CPD: variants seen among roughly 807,000 people sequenced by gnomAD.
The protein encoded by CPD is carboxypeptidase D, also known as metallocarboxypeptidase D.
Under a neutral mutation model 138.3 loss-of-function variants are expected in CPD, and 69 were observed. The observed-to-expected ratio is 0.50, with a 90% confidence interval of 0.41 to 0.61. The LOEUF is 0.61. Among genes scored for constraint, CPD ranks in the 20% least tolerant of loss-of-function variants. The probability of loss-of-function intolerance (pLI) is 0.00; values close to 1 mark genes in which losing one functional copy is unlikely to be tolerated. For missense variants in CPD, 1,432 were observed against 1,733.3 expected (o/e 0.83, Z 3.09); for synonymous variants, 651 against 642.1 (o/e 1.01, Z -0.21).
At chr17:30,438,902 C>G (rs966385894) in intron 8 of CPD, 73 bp from the exon 9 acceptor site, 2 of 942,692 alleles carry the variant, frequency 2.1e-6, no homozygotes, top group East Asian at 5.5e-5. Context: ...TATTATTTTC[C>G]TGTATCTTTC....
Position 30,431,850 on chromosome 17 carries a change from T to C in CPD, c.2096T>C (p.Val699Ala), listed in dbSNP as rs1597723185. The C allele has an allele frequency of 1.2e-6, 2 of 1,611,470 alleles. No individual in the cohort carries two copies. The highest frequency in any genetic ancestry group is 1.7e-6 in the Non-Finnish European group (2 of 1,178,376). Residue 699 changes from valine (V) to alanine (A), a missense_variant, in exon 8 of 21, where the codon GTG becomes GCG. This residue lies in a region of CPD where 297 missense variants were observed against 405.3 expected (regional missense o/e 0.73). Coordinates refer to ENST00000225719, the MANE Select transcript of CPD (RefSeq NM_001304.5). ...TATAGTAAATCACCAGATGATGCTG[T>C]GTTCCAACAAATAGCACTTTCTTAT... ...ATYSKSPDDAVFQQIALSYSK... is the reference protein window; with the variant it reads ...ATYSKSPDDAAFQQIALSYSK...
Position 30,465,248 on chromosome 17 carries a change from G to T in CPD, c.*434G>T. The stretch of plus-strand genomic sequence containing the variant: ...TCGACATAAAGCTTTAAAAACTCAA[G>T]GTTTTTTCAACCTACTGAGGAGTAC... On this transcript the variant is annotated 3_prime_UTR_variant, in exon 21 of 21. Coordinates refer to ENST00000225719, the MANE Select transcript of CPD (RefSeq NM_001304.5). The T allele has an allele frequency of 6.1e-6, 1 of 164,426 alleles. No homozygotes were observed. The highest frequency in any genetic ancestry group is 1.3e-5 in the Non-Finnish European group (1 of 75,334). The allele number at this position is 164,426 out of a possible 1,614,324, so 10.2% of individuals were successfully genotyped here.
At chr17:30,440,003 G>A (rs1376756251) in intron 9 of CPD, among the ~76,000 whole-genome samples, 1 of 115,950 alleles carries the variant, frequency 8.6e-6, no homozygotes, top group African/African-American at 3.5e-5. Context: ...CACAATGGTT[G>A]AACTAGTTTA....
At chr17:30,387,651 AC>A (rs1007891186) in intron 2 of CPD, among the ~76,000 whole-genome samples, 1 of 152,102 alleles carries the variant, frequency 6.6e-6, no homozygotes, top group Non-Finnish European at 1.5e-5. Flanking sequence ...GGTCTTCCTT[AC>A]CTTTTTATTG....
chr17:30,388,969 G>T (rs1365869948), intron 2 of CPD, among the ~76,000 whole-genome samples: 2 of 152,168 alleles, frequency 1.3e-5, no homozygotes, highest in Admixed American at 1.3e-4. Context: ...CCTTAGTGGG[G>T]TGGGCGCAGT....
At chr17:30,429,618 G>A (rs1426929267) in intron 7 of CPD, among the ~76,000 whole-genome samples, 1 of 152,192 alleles carries the variant, frequency 6.6e-6, no homozygotes, top group African/African-American at 2.4e-5. Flanking sequence ...TTTGATGTTT[G>A]TATGTGGCAC....
At chr17:30,392,210 A>G (rs1173627150) in intron 2 of CPD, among the ~76,000 whole-genome samples, 1 of 152,002 alleles carries the variant, frequency 6.6e-6, no homozygotes, top group Admixed American at 6.5e-5. Context: ...GGGTTTCACC[A>G]TGTTGACCAG....
chr17:30,394,788 G>A (rs147812485), intron 2 of CPD, among the ~76,000 whole-genome samples: 433 of 152,218 alleles, frequency 2.8e-3, no homozygotes, highest in Middle Eastern at 0.01. Context: ...TCAAAGAGAG[G>A]ATGTCAAAGA....
At chr17:30,410,429 A>G (rs2143382640) in intron 2 of CPD, among the ~76,000 whole-genome samples, 1 of 152,196 alleles carries the variant, frequency 6.6e-6, no homozygotes, top group East Asian at 1.9e-4. Flanking sequence ...CTTCTGTCTC[A>G]TTGATCTGTC....
chr17:30,428,609 AT>A (rs1028369677), intron 7 of CPD, among the ~76,000 whole-genome samples: 2 of 152,094 alleles, frequency 1.3e-5, no homozygotes, highest in African/African-American at 2.4e-5. Flanking sequence ...CATGATTATT[AT>A]TTTTTTCTTT....
At chr17:30,411,926 CAGG>C (rs2143386878) in intron 2 of CPD, among the ~76,000 whole-genome samples, 1 of 152,336 alleles carries the variant, frequency 6.6e-6, no homozygotes, top group African/African-American at 2.4e-5. Context: ...CGATCCTTTT[CAGG>C]AGAAGAGGCG....
intron 8 of CPD, among the ~76,000 whole-genome samples, chr17:30,437,589 G>A (rs1258288819): frequency 6.6e-6 from 1 of 152,102 alleles, no homozygotes; most frequent in East Asian, 1.9e-4. Flanking sequence ...GGAGGGTGAG[G>A]TGGAAGGATC....
intron 8 of CPD, 37 bp downstream of exon 8, chr17:30,431,918 A>G: frequency 7.3e-7 from 1 of 1,364,096 alleles, no homozygotes; most frequent in Non-Finnish European, 1.0e-6. Flanking sequence ...TTACAAAATT[A>G]ATTCTTTTAT....
intron 2 of CPD, among the ~76,000 whole-genome samples, chr17:30,410,403 G>A (rs1040590039): frequency 9.2e-5 from 14 of 152,134 alleles, no homozygotes; most frequent in Admixed American, 6.6e-5. Context: ...TTCAATTCCT[G>A]GATATCCTTG....
chr17:30,455,337 A>G lies in CPD; in HGVS notation c.3206-2A>G. 6.3e-7 allele frequency: 1 copy of G among 1,595,284 alleles called. No individual in the cohort carries two copies. The highest frequency in any genetic ancestry group is 8.5e-7 in the Non-Finnish European group (1 of 1,174,150). On this transcript the variant is annotated splice_acceptor_variant, in intron 14 of 20. Coordinates refer to ENST00000225719, the MANE Select transcript of CPD (RefSeq NM_001304.5). LOFTEE classifies it high-confidence loss of function. ...TTTATATTTGACTTTTCTCTTTTTTAGATAATGCCTCCCAACCTGAGACCA... is the reference window on the plus strand; with the variant it reads ...TTTATATTTGACTTTTCTCTTTTTTGGATAATGCCTCCCAACCTGAGACCA...
chr17:30,423,054 G>A (rs1912309747), intron 5 of CPD, 31 bp downstream of exon 5: 2 of 1,495,058 alleles, frequency 1.3e-6, no homozygotes, highest in Non-Finnish European at 1.8e-6. Context: ...CATAATTTCA[G>A]TAGTGCCCCT....
Position 30,449,686 on chromosome 17 carries a change from C to T in CPD, c.3007C>T (p.Leu1003=), listed in dbSNP as rs2143484583. 1 of 1,596,764 alleles carries T rather than the reference C, an allele frequency of 6.3e-7. No individual in the cohort carries two copies. Among genetic ancestry groups the T allele is most frequent in the East Asian group, 2.3e-5 (1 of 43,866 alleles). The change falls in exon 13 of 21, where the codon CTG becomes TTG. Residue 1003 remains leucine, a synonymous_variant. Transcript: ENST00000225719. ...TGGAAATGCGCCAGTTGGAACTGAACTGCTTTTGGCTCTGGCAGAATTTCT... is the reference window on the plus strand; with the variant it reads ...TGGAAATGCGCCAGTTGGAACTGAATTGCTTTTGGCTCTGGCAGAATTTCT... The part of the protein sequence containing the change: ...IHGNAPVGTE[L]LLALAEFLCL...
At position 30,421,716 on chromosome 17, in the gene CPD, T is replaced by C; in HGVS notation, c.1190T>C (p.Leu397Ser). Residue 397 changes from leucine (L) to serine (S), a missense_variant, in exon 4 of 21, where the codon TTA (leucine) becomes TCA (serine). Transcript: ENST00000225719. ...AAAGATTCCATAACAGGATCTGGGT[T>C]AGAGAATGCAACCATCTCAGTGGCT... is the stretch of plus-strand genomic sequence containing the variant. ...FVKDSITGSG[L>S]ENATISVAGI... 6.2e-7 allele frequency: 1 copy of C among 1,613,822 alleles called. No individual in the cohort carries two copies. The highest frequency in any genetic ancestry group is 1.1e-5 in the South Asian group (1 of 91,060).
chr17:30,445,396 C>T (rs1356860344), intron 11 of CPD, among the ~76,000 whole-genome samples: 1 of 151,836 alleles, frequency 6.6e-6, no homozygotes, highest in Admixed American at 6.6e-5. Context: ...ACCCAGGAGG[C>T]GGAGGTTGCA....
Sources: allele counts gnomAD v4.1 joint callset (sites outside exome capture counted in the v4.1 genomes callset), GRCh38; gene constraint gnomAD v4.1.1; regional missense constraint gnomAD v4.1.1; transcripts MANE v1.5; gene names NCBI Gene and HGNC (gene_info 2026-07-23, HGNC 2026-07-21).